The following HOXA10 variants were observed in gnomAD, a reference collection of about 807,000 sequenced individuals.
HOXA10 encodes homeobox A10, also known as homeobox protein Hox-A10.
In HOXA10, 12 loss-of-function variants were observed where a neutral mutation model predicts 29.7. The observed-to-expected ratio is 0.40, with a 90% CI of 0.26 to 0.65. The LOEUF (loss-of-function observed/expected upper bound fraction) is 0.65. HOXA10 is among the 30% of genes least tolerant of loss of function. HOXA10 has a pLI of 0.37. For missense variants in HOXA10, 656 were observed against 585.9 expected, an observed-to-expected ratio of 1.12 and a Z score of -1.24; for synonymous variants, 327 against 280.7, an observed-to-expected ratio of 1.16 and a Z score of -1.65.
At position 27,170,862 on chromosome 7, in the gene HOXA10, C is replaced by T. The variant is rs1314894374; in HGVS notation, c.*1037G>A. The T allele has an allele frequency of 2.2e-6, 1 of 454,200 alleles. No homozygotes were observed. Among genetic ancestry groups the T allele is most frequent in the East Asian group, 6.9e-5 (1 of 14,402 alleles). The allele number at this position is 454,200 out of a possible 1,614,324, so 28.1% of individuals were successfully genotyped here. On this transcript the variant is annotated 3_prime_UTR_variant, in exon 2 of 2. Transcript: ENST00000283921. Reference sequence around the variant, plus strand: ...TTTGACCCTTTTATGCATGTAACTTCACAGTATAAAGGAAATCCAAACAAT... The same window carrying T: ...TTTGACCCTTTTATGCATGTAACTTTACAGTATAAAGGAAATCCAAACAAT...
intron 1 of HOXA10, chr7:27,172,454 G>A (rs748719858): frequency 1.9e-6 from 1 of 520,258 alleles, no homozygotes; most frequent in Non-Finnish European, 3.4e-6. Flanking sequence ...AGAAGGAAAG[G>A]CCTGGGAGGG....
Position 27,171,275 on chromosome 7 carries a change from C to CT in HOXA10, c.*623dup. On this transcript the variant is annotated 3_prime_UTR_variant, in exon 2 of 2. Transcript: ENST00000283921. ...TCTTACAGAGGAAGGAAAAATTAAC[C>CT]TTTTTTACTTTCTTTCTCACTTTTT... is the stretch of plus-strand genomic sequence containing the variant. 1 of 454,018 alleles carries CT rather than the reference C, an allele frequency of 2.2e-6. No individual in the cohort carries two copies. The highest frequency in any genetic ancestry group is 4.4e-6 in the Non-Finnish European group (1 of 226,770). The allele number at this position is 454,018 out of a possible 1,614,324, so 28.1% of individuals were successfully genotyped here.
Position 27,170,737 on chromosome 7 carries a change from T to C in HOXA10, c.*1162A>G, listed in dbSNP as rs1057457111. On this transcript the variant is annotated 3_prime_UTR_variant, in exon 2 of 2. Transcript: ENST00000283921. ...CTAGAACTAACATTTATAATAACGA[T>C]AGAATGCATTTGCTTAAAACAAGAT... 1 of 446,884 alleles carries C rather than the reference T, an allele frequency of 2.2e-6. No individual in the cohort carries two copies. Among genetic ancestry groups the C allele is most frequent in the Non-Finnish European group, 4.4e-6 (1 of 224,872 alleles). The allele number at this position is 446,884 out of a possible 1,614,324, so 27.7% of individuals were successfully genotyped here. A position where few individuals can be genotyped will look rare whatever the true frequency, so the allele number is the denominator to read the frequency against.
In HOXA10 at chr7:27,174,001, A is replaced by T; in HGVS notation, c.306T>A (p.Gly102=). 6.6e-7 allele frequency: 1 copy of T among 1,526,674 alleles called. No homozygotes were observed. The allele number at this position is 1,526,674 out of a possible 1,614,324, so 94.6% of individuals were successfully genotyped here. Residue 102 remains glycine, a synonymous_variant, in exon 1 of 2, where the codon GGT becomes GGA. Transcript: ENST00000283921. ...CGTAGCCGTGCGCCCCGGGACCTAG[A>T]CCCCCGCCACCGCCACCGCTGCCCG... ...ASPGSGGGGG[G]LGPGAHGYGP...
intron 1 of HOXA10, 24 bp from the exon 2 acceptor site, chr7:27,172,197 G>C (rs17472210): frequency 6.2e-7 from 1 of 1,612,786 alleles, no homozygotes; most frequent in Admixed American, 1.7e-5. Context: ...GAATAAAGAG[G>C]GGATGATTAA....
chr7:27,172,996 C>T (rs1024194218), intron 1 of HOXA10: 3 of 336,052 alleles, frequency 8.9e-6, no homozygotes, highest in East Asian at 6.4e-5. Flanking sequence ...CCCTCCCTCC[C>T]CCTCCCCCCG....
At position 27,171,117 on chromosome 7, in the gene HOXA10, C is replaced by T. The variant is rs1168075672; in HGVS notation, c.*782G>A. The T allele has an allele frequency of 8.9e-6, 4 of 451,470 alleles. No homozygotes were observed. The highest frequency in any genetic ancestry group is 8.0e-5 in the African/African-American group (4 of 49,758). The allele number at this position is 451,470 out of a possible 1,614,324, so 28.0% of individuals were successfully genotyped here. On this transcript the variant is annotated 3_prime_UTR_variant, in exon 2 of 2. Transcript: ENST00000283921. ...GCATAAACAAAACTACATTATTTAT[C>T]TACAGCCAGAAGGATATGGAAATTT...
chr7:27,174,745 A>C, upstream of HOXA10: 2 of 174,908 alleles, frequency 1.1e-5, no homozygotes, highest in East Asian at 1.6e-4. Context: ...GTGTACTCTA[A>C]CCACTGAAGC....
In HOXA10 at chr7:27,171,921, G is replaced by A. The variant is rs1395116614; in HGVS notation, c.1211C>T (p.Thr404Ile). The A allele has an allele frequency of 3.1e-6, 5 of 1,614,052 alleles. No homozygotes were observed. Among genetic ancestry groups the A allele is most frequent in the East Asian group, 4.5e-5 (2 of 44,888 alleles). ...MNRENRIREL[T>I]ANFNFS Reference sequence around the variant, plus strand: ...TCATCAGGAAAAATTAAAGTTGGCTGTGAGCTCCCGGATCCGGTTTTCTCG... The same window carrying A: ...TCATCAGGAAAAATTAAAGTTGGCTATGAGCTCCCGGATCCGGTTTTCTCG... The change falls in exon 2 of 2, where the codon ACA becomes ATA. Residue 404 changes from threonine to isoleucine, a missense_variant. Physicochemically the swap from Thr to Ile is moderately conservative, Grantham distance 89. This residue lies in a region of HOXA10 where 62 missense variants were observed against 94.0 expected (regional missense o/e 0.66). Coordinates refer to ENST00000283921, the MANE Select transcript of HOXA10 (RefSeq NM_018951.4).
chr7:27,179,309 C>CCT (rs1783708662), upstream of HOXA10, among the ~76,000 whole-genome samples: 1 of 116,230 alleles, frequency 8.6e-6, no homozygotes, highest in African/African-American at 3.0e-5. Context: ...CCCGCGATCA[C>CCT]CTTTTTTTTT....
chr7:27,178,949 A>G (rs1032501494), upstream of HOXA10, among the ~76,000 whole-genome samples: 6 of 152,274 alleles, frequency 3.9e-5, no homozygotes, highest in Non-Finnish European at 5.9e-5. Context: ...GCTTTTTAAA[A>G]AAGTATTAGT....
rs1783451156 is a variant in HOXA10 at position 27,170,664 on chromosome 7, GCAATA to G, written c.*1230_*1234del. On this transcript the variant is annotated 3_prime_UTR_variant, in exon 2 of 2. Transcript: ENST00000283921. The stretch of plus-strand genomic sequence containing the variant: ...ACATCGTCTTTTTCCACGCACAGCA[GCAATA>G]CAATATTAATTTATTCTGATTTAAG... 1 of 393,354 alleles carries G rather than the reference GCAATA, an allele frequency of 2.5e-6. No individual in the cohort carries two copies. Among genetic ancestry groups the G allele is most frequent in the African/African-American group, 2.1e-5 (1 of 47,338 alleles). The allele number at this position is 393,354 out of a possible 1,614,324, so 24.4% of individuals were successfully genotyped here.
Position 27,173,427 on chromosome 7 carries a change from C to T in HOXA10, c.880G>A (p.Ala294Thr), listed in dbSNP as rs760362443. 1.7e-5 allele frequency: 28 copies of T among 1,602,302 alleles called. No individual in the cohort carries two copies. The South Asian group carries it at 2.6e-4, about 15-fold the overall frequency. The part of the protein sequence containing the change: ...GGSQGDEEAH[A>T]SSSAAEELSP... ...AGCTCCTCCGCGGCCGAGGACGACGCGTGCGCCTCCTCGTCGCCCTGCGAG... is the reference window on the plus strand; with the variant it reads ...AGCTCCTCCGCGGCCGAGGACGACGTGTGCGCCTCCTCGTCGCCCTGCGAG... Residue 294 changes from alanine (A) to threonine (T), a missense_variant, in exon 1 of 2, where the codon GCG becomes ACG. Transcript: ENST00000283921.
chr7:27,173,728 C>T lies in HOXA10; in HGVS notation c.579G>A (p.Arg193=). Residue 193 remains arginine, a synonymous_variant, in exon 1 of 2, where the codon CGG becomes CGA. Transcript: ENST00000283921. Reference sequence around the variant, plus strand: ...GGGCGCAGCCGTCGGGCGGCGGGCCCCGCGGGAAGGGAGCCAGTTCGGCGG... The same window carrying T: ...GGGCGCAGCCGTCGGGCGGCGGGCCTCGCGGGAAGGGAGCCAGTTCGGCGG... ...ATAAELAPFP[R]GPPPDGCALG... The T allele has an allele frequency of 6.3e-7, 1 of 1,589,516 alleles. No individual in the cohort carries two copies. Among genetic ancestry groups the T allele is most frequent in the Non-Finnish European group, 8.6e-7 (1 of 1,168,800 alleles).
upstream of HOXA10, among the ~76,000 whole-genome samples, chr7:27,178,284 T>C (rs1352951675): frequency 6.6e-6 from 1 of 152,262 alleles, no homozygotes; most frequent in Non-Finnish European, 1.5e-5. Context: ...CATGCATTTA[T>C]GCATAGTTAG....
upstream of HOXA10, among the ~76,000 whole-genome samples, chr7:27,179,116 C>T (rs2115457605): frequency 6.6e-6 from 1 of 152,338 alleles, no homozygotes; most frequent in Non-Finnish European, 1.5e-5. Flanking sequence ...AAATCACATG[C>T]GACTTCTCCG....
chr7:27,176,758 T>G (rs1393845701), upstream of HOXA10, among the ~76,000 whole-genome samples: 1 of 152,204 alleles, frequency 6.6e-6, no homozygotes, highest in African/African-American at 2.4e-5. Flanking sequence ...ATATTTGAGA[T>G]AGTGGAGGCT....
intron 1 of HOXA10, 76 bp downstream of exon 1, chr7:27,173,273 C>T: frequency 1.3e-6 from 2 of 1,595,486 alleles, no homozygotes; most frequent in East Asian, 2.2e-5. Context: ...GCGCGGGCTC[C>T]TAGTTTTCTG....
upstream of HOXA10, chr7:27,174,425 G>T (rs1479982389): frequency 7.9e-6 from 12 of 1,510,346 alleles, no homozygotes; most frequent in Non-Finnish European, 9.7e-6. Context: ...TCGTAGGCGC[G>T]GGGCCGCTCT....
Sources: allele counts gnomAD v4.1 joint callset (sites outside exome capture counted in the v4.1 genomes callset), GRCh38; gene constraint gnomAD v4.1.1; regional missense constraint gnomAD v4.1.1; transcripts MANE v1.5; gene names NCBI Gene and HGNC (gene_info 2026-07-23, HGNC 2026-07-21).